Variants in CSMD1 observed in about 807,000 individuals in gnomAD.
The protein encoded by CSMD1 is CUB and Sushi multiple domains 1, also known as CUB and sushi domain-containing protein 1.
Under a neutral mutation model 417.5 loss-of-function variants are expected in CSMD1, and 213 were observed. The observed-to-expected ratio is 0.51, with a 90% confidence interval of 0.46 to 0.57. CSMD1 has a LOEUF of 0.57. CSMD1 is among the 20% of genes least tolerant of loss of function. The pLI is 0.00. For missense variants in CSMD1, 6,923 were observed against 4,529.7 expected (o/e 1.53, Z -15.17); for synonymous variants, 2,862 against 1,736.8 (o/e 1.65, Z -16.11).
At chr8:4,169,082 CCTG>C (rs1797618954) in intron 3 of CSMD1, among the ~76,000 whole-genome samples, 1 of 152,186 alleles carries the variant, frequency 6.6e-6, no homozygotes, top group Non-Finnish European at 1.5e-5. Flanking sequence ...TACCTGTAAG[CCTG>C]CTGGCTTAGT....
chr8:4,504,387 G>A (rs1030038105), intron 2 of CSMD1, among the ~76,000 whole-genome samples: 3 of 152,164 alleles, frequency 2.0e-5, no homozygotes, highest in Non-Finnish European at 2.9e-5. Flanking sequence ...AGTATGTTCT[G>A]GAGATCCGAT....
At chr8:4,582,950 C>T (rs1799496981) in intron 2 of CSMD1, among the ~76,000 whole-genome samples, 1 of 152,192 alleles carries the variant, frequency 6.6e-6, no homozygotes, top group Admixed American at 6.5e-5. Flanking sequence ...CGGCCCTGAG[C>T]AATGAGGGAC....
At chr8:3,878,868 A>C (rs1445942507) in intron 5 of CSMD1, among the ~76,000 whole-genome samples, 5 of 152,208 alleles carry the variant, frequency 3.3e-5, no homozygotes, top group Non-Finnish European at 4.4e-5. Context: ...TAATAAACTG[A>C]CTGAGCTTAA....
At chr8:3,678,981 T>C (rs1585063086) in intron 7 of CSMD1, among the ~76,000 whole-genome samples, 2 of 151,994 alleles carry the variant, frequency 1.3e-5, no homozygotes, top group East Asian at 1.9e-4. Context: ...GACAAGCAAA[T>C]GCTGAGAGAT....
At position 3,406,190 on chromosome 8, in the gene CSMD1, G is replaced by A; in HGVS notation, c.2103C>T (p.Gly701=). 1 of 1,610,968 alleles carries A rather than the reference G, an allele frequency of 6.2e-7. No individual in the cohort carries two copies. The highest frequency in any genetic ancestry group is 8.5e-7 in the Non-Finnish European group (1 of 1,178,374). ...CAAAACGTCGTCCGTTTATAGGAAT[G>A]CCAGGATCATGGCACTCATTCTGAC... ...TFGQNECHDP[G]IPINGRRFGD... The change falls in exon 15 of 70, where the codon GGC becomes GGT. Residue 701 remains glycine, a synonymous_variant. Coordinates refer to ENST00000635120, the MANE Select transcript of CSMD1 (RefSeq NM_033225.6).
intron 3 of CSMD1, among the ~76,000 whole-genome samples, chr8:4,094,057 G>A (rs929242635): frequency 1.3e-5 from 2 of 152,120 alleles, no homozygotes; most frequent in African/African-American, 4.8e-5. Context: ...CAGAGAGCTG[G>A]TGTGAAGGAC....
intron 5 of CSMD1, among the ~76,000 whole-genome samples, chr8:3,920,215 A>G (rs1160408776): frequency 6.6e-6 from 1 of 151,934 alleles, no homozygotes. Flanking sequence ...TCATATTTTT[A>G]GTAAAGACAG....
chr8:4,213,175 G>C (rs553666551), intron 3 of CSMD1, among the ~76,000 whole-genome samples: 4 of 152,264 alleles, frequency 2.6e-5, no homozygotes, highest in South Asian at 4.1e-4. Context: ...AATGGGGAGA[G>C]ACATAGTTGA....
intron 3 of CSMD1, among the ~76,000 whole-genome samples, chr8:4,198,280 T>G (rs1043610010): frequency 5.9e-5 from 9 of 152,218 alleles, no homozygotes; most frequent in African/African-American, 2.2e-4. Flanking sequence ...GCACAGAAGG[T>G]AAACCCCAGA....
chr8:4,841,930 A>AAAAAAAAAAAAAAAACAAAACAAAAC (rs1192383183), intron 1 of CSMD1, among the ~76,000 whole-genome samples: 1 of 122,426 alleles, frequency 8.2e-6, no homozygotes, highest in Non-Finnish European at 1.7e-5. Context: ...AAAAAAAAAA[A>AAAAAAAAAAAAAAAACAAAACAAAAC]AAAAAAAAGT....
At chr8:3,352,806 C>G (rs768063989) in intron 21 of CSMD1, among the ~76,000 whole-genome samples, 16 of 152,316 alleles carry the variant, frequency 1.1e-4, no homozygotes, top group Middle Eastern at 3.4e-3. Context: ...TGCCATTGCA[C>G]TCTACTCTGG....
At chr8:4,635,666 T>G (rs1477633125) in intron 2 of CSMD1, among the ~76,000 whole-genome samples, 3 of 152,170 alleles carry the variant, frequency 2.0e-5, no homozygotes, top group Non-Finnish European at 4.4e-5. Flanking sequence ...TCTGCAGTTT[T>G]TATTACCATT....
At chr8:4,966,544 C>G (rs1809870492) in intron 1 of CSMD1, among the ~76,000 whole-genome samples, 1 of 152,162 alleles carries the variant, frequency 6.6e-6, no homozygotes, top group Non-Finnish European at 1.5e-5. Flanking sequence ...CACTGTCCAT[C>G]TGAGAGTGAC....
intron 3 of CSMD1, among the ~76,000 whole-genome samples, chr8:4,054,691 G>A (rs1167786099): frequency 6.6e-6 from 1 of 152,116 alleles, no homozygotes; most frequent in Non-Finnish European, 1.5e-5. Context: ...CTGAATACAT[G>A]TGAATTCCTG....
At chr8:4,931,015 G>C (rs190902231) in intron 1 of CSMD1, among the ~76,000 whole-genome samples, 10 of 152,246 alleles carry the variant, frequency 6.6e-5, no homozygotes, top group Admixed American at 6.5e-4. Context: ...ATCAATGGGA[G>C]ACATGAGAAA....
At chr8:4,308,058 C>A (rs1386986378) in intron 3 of CSMD1, among the ~76,000 whole-genome samples, 1 of 152,130 alleles carries the variant, frequency 6.6e-6, no homozygotes, top group Non-Finnish European at 1.5e-5. Context: ...TGACTTTCAG[C>A]CTCAGTTACA....
chr8:4,004,726 AT>A lies in CSMD1; in HGVS notation c.611-6617del, dbSNP rs572100421. Among the ~76,000 whole-genome samples, 18 of 151,970 alleles carry A rather than the reference AT, an allele frequency of 1.2e-4. No homozygotes were observed. The East Asian group carries it at 3.1e-3, about 26-fold the overall frequency. On this transcript the variant is annotated intron_variant, in intron 4 of 69. Coordinates refer to ENST00000635120, the MANE Select transcript of CSMD1 (RefSeq NM_033225.6). ...GTTGACCTGGATGAGATTGGTGACT[AT>A]TATTCTTTATTCTTTTTTTGTTTTG...
intron 5 of CSMD1, among the ~76,000 whole-genome samples, chr8:3,848,516 G>A (rs148810930): frequency 7.2e-4 from 110 of 152,246 alleles, no homozygotes; most frequent in African/African-American, 1.1e-3. Context: ...TATAGCAAAA[G>A]CCTGAGAAGT....
chr8:3,227,373 C>G (rs562812764), intron 27 of CSMD1, among the ~76,000 whole-genome samples: 5 of 151,982 alleles, frequency 3.3e-5, no homozygotes, highest in Non-Finnish European at 7.4e-5. Flanking sequence ...ACTCCAGCCT[C>G]GGCAACTGAG....
Sources: gnomAD v4.1 joint callset for allele counts (sites outside exome capture counted in the v4.1 genomes callset) on GRCh38, gnomAD v4.1.1 for gene constraint, MANE v1.5 for transcripts, NCBI Gene and HGNC (gene_info 2026-07-23, HGNC 2026-07-21) for gene names.